Variants in LHFPL3 observed in about 807,000 individuals in gnomAD.
LHFPL3 encodes the protein LHFPL tetraspan subfamily member 3.
LHFPL3 carries 5 observed loss-of-function variants against 19.3 expected under a neutral mutation model. That is an observed-to-expected ratio of 0.26 (90% CI 0.14 to 0.54). The LOEUF is 0.54. Ranked by LOEUF, LHFPL3 falls within the 20% of genes least tolerant of loss-of-function variation. The pLI is 0.94. For synonymous variants in LHFPL3, 133 were observed against 126.2 expected (o/e 1.05, Z -0.36); for missense variants, 249 against 307.4 (o/e 0.81, Z 1.42).
chr7:104,340,931 A>T (rs749905422), intron 1 of LHFPL3, among the ~76,000 whole-genome samples: 2 of 152,198 alleles, frequency 1.3e-5, no homozygotes, highest in African/African-American at 4.8e-5. Flanking sequence ...TGAAGAATGC[A>T]TGGCAAAACA....
At chr7:104,730,126 T>G (rs987732923) in intron 1 of LHFPL3, among the ~76,000 whole-genome samples, 1 of 152,254 alleles carries the variant, frequency 6.6e-6, no homozygotes, top group Non-Finnish European at 1.5e-5. Context: ...TGCCACATTT[T>G]CTTAATCTAG....
At chr7:104,363,773 T>C (rs1214036158) in intron 1 of LHFPL3, among the ~76,000 whole-genome samples, 1 of 152,194 alleles carries the variant, frequency 6.6e-6, no homozygotes, top group South Asian at 2.1e-4. Flanking sequence ...CTCTTAAAGC[T>C]TTCACCCAGA....
intron 1 of LHFPL3, among the ~76,000 whole-genome samples, chr7:104,594,872 T>C (rs923076482): frequency 2.6e-5 from 4 of 152,190 alleles, no homozygotes; most frequent in African/African-American, 7.2e-5. Context: ...TCTCATGCCA[T>C]GGTTTTCAGC....
intron 1 of LHFPL3, among the ~76,000 whole-genome samples, chr7:104,491,892 A>G (rs1479290229): frequency 6.6e-6 from 1 of 152,230 alleles, no homozygotes; most frequent in East Asian, 1.9e-4. Context: ...TCCAATTAGA[A>G]CTGTCTTTAC....
At chr7:104,795,417 C>T (rs1032322591) in intron 2 of LHFPL3, among the ~76,000 whole-genome samples, 2 of 152,140 alleles carry the variant, frequency 1.3e-5, no homozygotes, top group African/African-American at 4.8e-5. Context: ...TTCTTTCTTC[C>T]CCTCTTCCTT....
intron 1 of LHFPL3, among the ~76,000 whole-genome samples, chr7:104,540,931 G>A (rs1409929356): frequency 6.6e-6 from 1 of 152,100 alleles, no homozygotes; most frequent in South Asian, 2.1e-4. Context: ...TAAATGCAAC[G>A]AACTCTGCCA....
intron 1 of LHFPL3, among the ~76,000 whole-genome samples, chr7:104,563,617 A>G (rs954806992): frequency 2.6e-5 from 4 of 152,218 alleles, no homozygotes; most frequent in African/African-American, 9.6e-5. Context: ...GGTACCTCAG[A>G]TGGAAATGCA....
intron 1 of LHFPL3, among the ~76,000 whole-genome samples, chr7:104,530,348 A>G (rs2115841741): frequency 6.6e-6 from 1 of 152,342 alleles, no homozygotes; most frequent in South Asian, 2.1e-4. Flanking sequence ...CTTTATGGCC[A>G]CAAATGATAA....
chr7:104,593,406 G>A (rs1374310307), intron 1 of LHFPL3, among the ~76,000 whole-genome samples: 1 of 152,204 alleles, frequency 6.6e-6, no homozygotes, highest in African/African-American at 2.4e-5. Context: ...CTGAGAGACA[G>A]TTTGTTATAA....
Position 104,399,692 on chromosome 7 carries a change from T to G in LHFPL3, c.445+70468T>G, listed in dbSNP as rs904358145. On this transcript the variant is annotated intron_variant, in intron 1 of 2. Transcript: ENST00000424859. This position sits in a 1 kb window ranked among gnomAD's most constrained non-coding sequence, Gnocchi z 4.4. ...TTTCACCATATTGGCCAGGCTGGTC[T>G]TGAACTCCCAACCTCGTGCTCCGCC... Among the ~76,000 whole-genome samples, 6 of 150,674 alleles carry G rather than the reference T, an allele frequency of 4.0e-5. No individual in the cohort carries two copies. The highest frequency in any genetic ancestry group is 8.9e-5 in the Non-Finnish European group (6 of 67,674).
intron 1 of LHFPL3, among the ~76,000 whole-genome samples, chr7:104,604,868 C>T (rs551202148): frequency 1.8e-4 from 27 of 152,328 alleles, no homozygotes; most frequent in African/African-American, 6.5e-4. Flanking sequence ...CAAGACTGCT[C>T]TACTGCCAGA....
At position 104,474,478 on chromosome 7, in the gene LHFPL3, C is replaced by T. The variant is rs141856719; in HGVS notation, c.445+145254C>T. Among the ~76,000 whole-genome samples the T allele has an allele frequency of 7.8e-3, 1,179 of 152,024 alleles. 10 individuals carry two copies. The highest frequency in any genetic ancestry group is 0.026 in the African/African-American group (1,084 of 41,468). ...AGGAGATCAAGACCATCCTGGCTAA[C>T]ATAGTGAAACCCTGTCTCTACTAAA... is the stretch of plus-strand genomic sequence containing the variant. On this transcript the variant is annotated intron_variant, in intron 1 of 2. Transcript: ENST00000424859.
chr7:104,751,286 G>A (rs112715248), intron 2 of LHFPL3, among the ~76,000 whole-genome samples: 43 of 143,426 alleles, frequency 3.0e-4, no homozygotes, highest in Non-Finnish European at 4.7e-4. Context: ...ATCGGCAATT[G>A]ACTTTTGAGC....
intron 2 of LHFPL3, among the ~76,000 whole-genome samples, chr7:104,886,888 A>G (rs927632097): frequency 6.6e-6 from 1 of 152,220 alleles, no homozygotes; most frequent in Non-Finnish European, 1.5e-5. Context: ...CATTCCAGAA[A>G]TCACATTAAA....
intron 1 of LHFPL3, among the ~76,000 whole-genome samples, chr7:104,494,650 A>T (rs994723953): frequency 6.6e-6 from 1 of 152,172 alleles, no homozygotes; most frequent in African/African-American, 2.4e-5. Flanking sequence ...CATTCAAGTC[A>T]AATCAAGCCT....
intron 1 of LHFPL3, among the ~76,000 whole-genome samples, chr7:104,527,875 C>G (rs1794220052): frequency 6.6e-6 from 1 of 152,168 alleles, no homozygotes; most frequent in Non-Finnish European, 1.5e-5. Context: ...CAATAGAGGA[C>G]AGAAATCAAA....
intron 1 of LHFPL3, among the ~76,000 whole-genome samples, chr7:104,459,061 A>G (rs561435381): frequency 6.6e-6 from 1 of 152,376 alleles, no homozygotes; most frequent in East Asian, 1.9e-4. Context: ...GCATAGCACC[A>G]GGACCTCTGG....
At chr7:104,880,279 T>C (rs987951461) in intron 2 of LHFPL3, among the ~76,000 whole-genome samples, 1 of 151,528 alleles carries the variant, frequency 6.6e-6, no homozygotes, top group African/African-American at 2.4e-5. Context: ...ACTTCCCCCC[T>C]CCCTCTCTCA....
At chr7:104,376,717 G>T (rs1388643717) in intron 1 of LHFPL3, among the ~76,000 whole-genome samples, 2 of 152,118 alleles carry the variant, frequency 1.3e-5, no homozygotes, top group African/African-American at 2.4e-5. Context: ...TCACGGGCCA[G>T]GCTCTATTAC....
Sources: allele counts gnomAD v4.1 joint callset (sites outside exome capture counted in the v4.1 genomes callset), GRCh38; gene constraint gnomAD v4.1.1; non-coding constraint Gnocchi (gnomAD v3.1); transcripts MANE v1.5; gene names NCBI Gene and HGNC (gene_info 2026-07-23, HGNC 2026-07-21).